Variants in AKT3 observed in about 807,000 individuals in gnomAD.
AKT3 encodes AKT serine/threonine kinase 3, also known as RAC-gamma serine/threonine-protein kinase.
AKT3 carries 15 observed loss-of-function variants against 65.3 expected under a neutral mutation model. The observed-to-expected ratio is 0.23, with a 90% CI of 0.15 to 0.35. The LOEUF (loss-of-function observed/expected upper bound fraction) is 0.35, where lower values mean the gene tolerates loss of function less well. Ranked by LOEUF, AKT3 falls within the 10% of genes least tolerant of loss-of-function variation. The probability of loss-of-function intolerance (pLI) is 1.00; values close to 1 mark genes in which losing one functional copy is unlikely to be tolerated. For missense variants in AKT3, 243 were observed against 576.5 expected (o/e 0.42, Z 5.92); for synonymous variants, 206 against 183.8 (o/e 1.12, Z -0.98).
chr1:243,715,957 T>TAACA (rs2148093531), intron 2 of AKT3, among the ~76,000 whole-genome samples: 1 of 152,220 alleles, frequency 6.6e-6, no homozygotes, highest in East Asian at 1.9e-4. Flanking sequence ...GGAAAGGTGT[T>TAACA]GTTACACCAT....
At chr1:243,690,009 C>T (rs989727014) in intron 3 of AKT3, among the ~76,000 whole-genome samples, 8 of 151,684 alleles carry the variant, frequency 5.3e-5, no homozygotes, top group African/African-American at 7.3e-5. Flanking sequence ...TAAAATTGTG[C>T]TTATAAATGC....
At chr1:243,671,894 CTT>C (rs1683178895) in intron 3 of AKT3, among the ~76,000 whole-genome samples, 1 of 152,194 alleles carries the variant, frequency 6.6e-6, no homozygotes, top group African/African-American at 2.4e-5. Context: ...ATCCCATGCT[CTT>C]CTGAAGAGAA....
chr1:243,586,690 A>G (rs1409420077), intron 8 of AKT3, among the ~76,000 whole-genome samples: 1 of 152,166 alleles, frequency 6.6e-6, no homozygotes, highest in Non-Finnish European at 1.5e-5. Flanking sequence ...ACTCATGGAC[A>G]TAAATATGGT....
intron 2 of AKT3, among the ~76,000 whole-genome samples, chr1:243,823,139 A>C (rs1693960937): frequency 6.6e-6 from 1 of 152,182 alleles, no homozygotes; most frequent in Non-Finnish European, 1.5e-5. Context: ...GCAAATTAAT[A>C]AACATAATTC....
At chr1:243,694,457 C>T (rs1020005714) in intron 3 of AKT3, among the ~76,000 whole-genome samples, 1 of 151,642 alleles carries the variant, frequency 6.6e-6, no homozygotes, top group Non-Finnish European at 1.5e-5. Flanking sequence ...CCTTAACTAA[C>T]ACACACACTT....
At chr1:243,784,228 G>A (rs1281074371) in intron 2 of AKT3, among the ~76,000 whole-genome samples, 1 of 152,062 alleles carries the variant, frequency 6.6e-6, no homozygotes, top group Non-Finnish European at 1.5e-5. Flanking sequence ...TAAGGAAAGA[G>A]GAGACCAGGC....
At chr1:243,536,354 T>G (rs1366404192) in intron 12 of AKT3, among the ~76,000 whole-genome samples, 1 of 152,182 alleles carries the variant, frequency 6.6e-6, no homozygotes, top group Non-Finnish European at 1.5e-5. Flanking sequence ...TTTTTTATGG[T>G]TTCAGGTCTT....
At chr1:243,615,948 C>G (rs61833200) in intron 6 of AKT3, among the ~76,000 whole-genome samples, 77,505 of 151,782 alleles carry the variant, frequency 0.51, 23,837 homozygotes, top group Non-Finnish European at 0.68. Context: ...CTATGTTGCC[C>G]AGGCTGAGCT....
intron 10 of AKT3, among the ~76,000 whole-genome samples, chr1:243,563,229 C>A (rs190728222): frequency 2.4e-4 from 37 of 152,200 alleles, no homozygotes; most frequent in African/African-American, 6.7e-4. Flanking sequence ...ACCCTTAGCA[C>A]AGGGAAGTTA....
At chr1:243,540,860 C>T (rs1486073461) in intron 12 of AKT3, among the ~76,000 whole-genome samples, 1 of 152,124 alleles carries the variant, frequency 6.6e-6, no homozygotes, top group Non-Finnish European at 1.5e-5. Flanking sequence ...CCTGTGAGTT[C>T]TTCAGGTTTC....
chr1:243,495,989 C>T (rs1205370615), downstream of AKT3, among the ~76,000 whole-genome samples: 2 of 152,166 alleles, frequency 1.3e-5, no homozygotes, highest in African/African-American at 2.4e-5. Flanking sequence ...TTTCATGTCA[C>T]TTGATTTCTG....
At chr1:243,495,614 G>A (rs895111238), downstream of AKT3, among the ~76,000 whole-genome samples, 7 of 152,206 alleles carry the variant, frequency 4.6e-5, no homozygotes, top group South Asian at 6.2e-4. Context: ...AACTTCAGTC[G>A]CTGTGCTGGG....
At chr1:243,644,511 A>T (rs1680662858) in intron 5 of AKT3, among the ~76,000 whole-genome samples, 1 of 152,070 alleles carries the variant, frequency 6.6e-6, no homozygotes, top group Non-Finnish European at 1.5e-5. Context: ...ATGGTACTTA[A>T]CTTATAGTTG....
chr1:243,581,466 A>G (rs1675346906), intron 8 of AKT3, among the ~76,000 whole-genome samples: 1 of 152,210 alleles, frequency 6.6e-6, no homozygotes. Flanking sequence ...AGCACAGAGG[A>G]CTAAAGAAAC....
intron 2 of AKT3, among the ~76,000 whole-genome samples, chr1:243,727,095 A>C (rs1275908659): frequency 6.6e-6 from 1 of 152,214 alleles, no homozygotes; most frequent in Non-Finnish European, 1.5e-5. Context: ...CATAAATGTG[A>C]AACATTAACA....
At chr1:243,727,512 C>T (rs930708648) in intron 2 of AKT3, among the ~76,000 whole-genome samples, 3 of 152,076 alleles carry the variant, frequency 2.0e-5, no homozygotes, top group Non-Finnish European at 4.4e-5. Flanking sequence ...AACTCTTGGC[C>T]TCAAATGATC....
intron 5 of AKT3, among the ~76,000 whole-genome samples, chr1:243,642,335 A>C (rs910142705): frequency 6.6e-6 from 1 of 152,192 alleles, no homozygotes; most frequent in Non-Finnish European, 1.5e-5. Context: ...TTTGAGACGG[A>C]GTCTCGCTCT....
chr1:243,745,555 C>G (rs980260276), intron 2 of AKT3, among the ~76,000 whole-genome samples: 1 of 152,178 alleles, frequency 6.6e-6, no homozygotes, highest in East Asian at 1.9e-4. Context: ...GTACTCAGCT[C>G]TCTGGAATGA....
chr1:243,602,696 A>G (rs191036413), intron 8 of AKT3, among the ~76,000 whole-genome samples: 29 of 152,328 alleles, frequency 1.9e-4, no homozygotes, highest in African/African-American at 7.0e-4. Flanking sequence ...CAAAAAAATC[A>G]AATACATGTT....
Sources: allele counts gnomAD v4.1 joint callset (sites outside exome capture counted in the v4.1 genomes callset), GRCh38; gene constraint gnomAD v4.1.1; transcripts MANE v1.5; gene names NCBI Gene and HGNC (gene_info 2026-07-23, HGNC 2026-07-21).